Variants in GPR39 observed in about 807,000 individuals in gnomAD.
GPR39 encodes the protein zinc sensing receptor.
In GPR39, 23 loss-of-function variants were observed where a neutral mutation model predicts 18.4. The ratio of observed to expected loss-of-function variants is 1.25; its 90% CI spans 0.90 to 1.77. GPR39 has a LOEUF of 1.77. GPR39 is among the 40% of genes most tolerant of loss of function. The probability of loss-of-function intolerance (pLI) is 0.00; values close to 1 mark genes in which losing one functional copy is unlikely to be tolerated. For synonymous variants in GPR39, 280 were observed against 257.9 expected (o/e 1.09, Z -0.82); for missense variants, 647 against 602.4 (o/e 1.07, Z -0.78).
At chr2:132,483,527 T>C (rs982202028) in intron 1 of GPR39, among the ~76,000 whole-genome samples, 5 of 152,248 alleles carry the variant, frequency 3.3e-5, no homozygotes, top group Admixed American at 2.6e-4. Flanking sequence ...CAGGCCGTGA[T>C]TGGCCGTTCT....
At chr2:132,584,905 C>A (rs1019493018) in intron 1 of GPR39, among the ~76,000 whole-genome samples, 1 of 152,180 alleles carries the variant, frequency 6.6e-6, no homozygotes, top group Non-Finnish European at 1.5e-5. Context: ...GAGAGCATTT[C>A]TGGAGACACT....
chr2:132,488,002 T>G (rs1419020977), intron 1 of GPR39, among the ~76,000 whole-genome samples: 1 of 152,174 alleles, frequency 6.6e-6, no homozygotes, highest in Non-Finnish European at 1.5e-5. Context: ...AAGACAAATG[T>G]AAAATAGTAA....
chr2:132,454,410 A>G (rs1315859276), intron 1 of GPR39, among the ~76,000 whole-genome samples: 1 of 152,210 alleles, frequency 6.6e-6, no homozygotes, highest in African/African-American at 2.4e-5. Context: ...CTAAATATAC[A>G]ATCAGGTAAT....
intron 1 of GPR39, among the ~76,000 whole-genome samples, chr2:132,599,782 A>G (rs1186687182): frequency 6.6e-6 from 1 of 152,192 alleles, no homozygotes; most frequent in East Asian, 1.9e-4. Context: ...ATGGCGTGTC[A>G]GCAGACCATT....
intron 1 of GPR39, 78 bp downstream of exon 1, chr2:132,417,976 C>T (rs779311229): frequency 6.7e-7 from 1 of 1,488,252 alleles, no homozygotes; most frequent in Non-Finnish European, 8.9e-7. Context: ...CTGTGGCCCT[C>T]TCCAGGGCAA....
intron 1 of GPR39, among the ~76,000 whole-genome samples, chr2:132,513,326 G>T (rs1408852035): frequency 6.6e-6 from 1 of 152,134 alleles, no homozygotes; most frequent in East Asian, 1.9e-4. Flanking sequence ...AGCCGGGCGA[G>T]GTGGCGGGCG....
At chr2:132,544,232 T>A (rs1409909455) in intron 1 of GPR39, among the ~76,000 whole-genome samples, 1 of 152,236 alleles carries the variant, frequency 6.6e-6, no homozygotes, top group Non-Finnish European at 1.5e-5. Flanking sequence ...ACTATCTTCC[T>A]GCTTATCAGG....
chr2:132,417,662 T>C lies in GPR39; in HGVS notation c.620T>C (p.Met207Thr), dbSNP rs932455985. 2 of 1,614,018 alleles carry C rather than the reference T, an allele frequency of 1.2e-6. No individual in the cohort carries two copies. Among genetic ancestry groups the C allele is most frequent in the African/African-American group, 1.3e-5 (1 of 74,922 alleles). ...RHHEQPETSN[M>T]SICTNLSSRW... ...CACGAGCAGCCCGAGACCTCCAATA[T>C]GTCCATCTGTACCAACCTCTCCAGC... Residue 207 changes from methionine (M) to threonine (T), a missense_variant, in exon 1 of 2, where the codon ATG (methionine) becomes ACG (threonine). Around this residue, in one of 3 missense-constraint regions of GPR39, gnomAD observed 581 missense variants for 506.8 expected, o/e 1.15. Transcript: ENST00000329321.
At chr2:132,564,941 T>C (rs1475037059) in intron 1 of GPR39, among the ~76,000 whole-genome samples, 1 of 150,338 alleles carries the variant, frequency 6.7e-6, no homozygotes, top group Non-Finnish European at 1.5e-5. Flanking sequence ...CACAGCCTCT[T>C]GAGTAGCTGG....
intron 1 of GPR39, among the ~76,000 whole-genome samples, chr2:132,626,538 A>G (rs991127001): frequency 6.6e-6 from 1 of 152,218 alleles, no homozygotes; most frequent in Non-Finnish European, 1.5e-5. Flanking sequence ...AACCAAGTAA[A>G]TAAGTATGGA....
intron 1 of GPR39, among the ~76,000 whole-genome samples, chr2:132,485,329 G>A (rs1573624944): frequency 6.6e-6 from 1 of 152,284 alleles, no homozygotes; most frequent in Non-Finnish European, 1.5e-5. Context: ...GTTGACTGCT[G>A]ACCAGTCAGG....
At chr2:132,495,140 T>TAGGG (rs2104799631) in intron 1 of GPR39, among the ~76,000 whole-genome samples, 1 of 152,280 alleles carries the variant, frequency 6.6e-6, no homozygotes, top group South Asian at 2.1e-4. Flanking sequence ...GGGGGTTGTA[T>TAGGG]AGGGGTACCA....
chr2:132,439,449 C>T (rs116145374), intron 1 of GPR39, among the ~76,000 whole-genome samples: 2,334 of 152,284 alleles, frequency 0.015, 60 homozygotes, highest in African/African-American at 0.053. Flanking sequence ...GATGCGGCTC[C>T]ACTTGACAAT....
chr2:132,444,934 G>T (rs1012930563), intron 1 of GPR39, among the ~76,000 whole-genome samples: 1 of 152,110 alleles, frequency 6.6e-6, no homozygotes, highest in Non-Finnish European at 1.5e-5. Context: ...TATCCCAAAA[G>T]GTACCAGTTT....
In GPR39 at chr2:132,546,966, C is replaced by T. The variant is rs540996292; in HGVS notation, c.857-98135C>T. Reference sequence around the variant, plus strand: ...AGATCCTCTGAGAAGAGAAACCACTCGTGCCTGAATTAATGTTAATTCAAG... The same window carrying T: ...AGATCCTCTGAGAAGAGAAACCACTTGTGCCTGAATTAATGTTAATTCAAG... On this transcript the variant is annotated intron_variant, in intron 1 of 1. Coordinates refer to ENST00000329321, the MANE Select transcript of GPR39 (RefSeq NM_001508.3). 2.8e-4 allele frequency among the ~76,000 whole-genome samples: 42 copies of T among 151,674 alleles called. 1 individual carries two copies. The highest frequency in any genetic ancestry group is 1.3e-3 in the South Asian group (6 of 4,788).
At chr2:132,476,044 T>C (rs1681119599) in intron 1 of GPR39, among the ~76,000 whole-genome samples, 1 of 152,158 alleles carries the variant, frequency 6.6e-6, no homozygotes, top group Non-Finnish European at 1.5e-5. Context: ...TTCTTTTTTT[T>C]TTTCTCTTTT....
intron 1 of GPR39, among the ~76,000 whole-genome samples, chr2:132,481,505 G>T (rs1188874016): frequency 6.6e-6 from 1 of 152,188 alleles, no homozygotes; most frequent in Non-Finnish European, 1.5e-5. Context: ...ATCTGGGATT[G>T]GAATGGGATG....
chr2:132,560,803 C>G (rs1680237645), intron 1 of GPR39, among the ~76,000 whole-genome samples: 1 of 152,206 alleles, frequency 6.6e-6, no homozygotes. Flanking sequence ...GTGAGCCACT[C>G]TTTCTATGCT....
rs746438443 is a variant in GPR39, at chr2:132,645,171, A to AC, written c.930dup (p.Lys311GlnfsTer96). 3 of 1,613,924 alleles carry AC rather than the reference A, an allele frequency of 1.9e-6. No homozygotes were observed. Among genetic ancestry groups the AC allele is most frequent in the Non-Finnish European group, 2.5e-6 (3 of 1,180,006 alleles). ...TTCGGAGGATCATGGCTGCGGCCAA[A>AC]CCCAAGCACGACTGGACGAGGTCCT... On this transcript the variant is annotated frameshift_variant, in exon 2 of 2. Coordinates refer to ENST00000329321, the MANE Select transcript of GPR39 (RefSeq NM_001508.3). LOFTEE classifies it low-confidence loss of function (END_TRUNC).
Sources: gnomAD v4.1 joint callset for allele counts (sites outside exome capture counted in the v4.1 genomes callset) on GRCh38, gnomAD v4.1.1 for gene constraint, gnomAD v4.1.1 regional missense constraint, MANE v1.5 for transcripts, NCBI Gene and HGNC (gene_info 2026-07-23, HGNC 2026-07-21) for gene names.